Variants in CDK5RAP2 observed in about 807,000 individuals in gnomAD.
CDK5RAP2 encodes the protein CDK5 regulatory subunit associated protein 2.
CDK5RAP2 carries 147 observed loss-of-function variants against 232.9 expected under a neutral mutation model. That is an observed-to-expected ratio of 0.63 (90% CI 0.55 to 0.72). The LOEUF (loss-of-function observed/expected upper bound fraction) is 0.72, where lower values mean the gene tolerates loss of function less well. Among genes scored for constraint, CDK5RAP2 ranks in the 30% least tolerant of loss-of-function variants. CDK5RAP2 has a pLI of 0.00. For synonymous variants in CDK5RAP2, 833 were observed against 833.7 expected (o/e 1.00, Z 0.01); for missense variants, 2,195 against 2,231.5 (o/e 0.98, Z 0.33).
intron 20 of CDK5RAP2, among the ~76,000 whole-genome samples, chr9:120,454,929 A>G (rs1588383653): frequency 6.6e-6 from 1 of 152,202 alleles, no homozygotes; most frequent in Non-Finnish European, 1.5e-5. Flanking sequence ...CTGATGTCAA[A>G]TCCCAAATAA....
chr9:120,464,502 C>G (rs2037266519), intron 18 of CDK5RAP2, among the ~76,000 whole-genome samples: 1 of 152,102 alleles, frequency 6.6e-6, no homozygotes, highest in Admixed American at 6.5e-5. Context: ...GACCTAGAAA[C>G]AAGTCGTTTT....
intron 5 of CDK5RAP2, among the ~76,000 whole-genome samples, chr9:120,541,053 T>C (rs1176443842): frequency 6.6e-6 from 1 of 152,248 alleles, no homozygotes; most frequent in African/African-American, 2.4e-5. Context: ...TGAGGAGCAT[T>C]ATACACGGCC....
At chr9:120,543,139 C>T (rs1264241099) in intron 5 of CDK5RAP2, among the ~76,000 whole-genome samples, 1 of 152,176 alleles carries the variant, frequency 6.6e-6, no homozygotes, top group Non-Finnish European at 1.5e-5. Flanking sequence ...CCATGACATC[C>T]CCCTTCCCAT....
chr9:120,564,815 C>G (rs1412543287), intron 3 of CDK5RAP2, among the ~76,000 whole-genome samples: 2 of 152,202 alleles, frequency 1.3e-5, no homozygotes, highest in African/African-American at 2.4e-5. Flanking sequence ...GTCTTCCCTA[C>G]TCACCCAAAA....
At chr9:120,446,814 T>C (rs976571271) in intron 22 of CDK5RAP2, among the ~76,000 whole-genome samples, 1 of 152,122 alleles carries the variant, frequency 6.6e-6, no homozygotes, top group Non-Finnish European at 1.5e-5. Flanking sequence ...TCATTTCCCC[T>C]GTCTCCCTTC....
At chr9:120,533,601 C>G (rs2041252082) in intron 7 of CDK5RAP2, among the ~76,000 whole-genome samples, 1 of 151,854 alleles carries the variant, frequency 6.6e-6, no homozygotes. Context: ...CAAGACCAGC[C>G]TGGCCAACAT....
At chr9:120,563,965 GAAC>G (rs911627113) in intron 3 of CDK5RAP2, among the ~76,000 whole-genome samples, 1 of 152,172 alleles carries the variant, frequency 6.6e-6, no homozygotes, top group African/African-American at 2.4e-5. Context: ...CATAAGATAA[GAAC>G]AACAAAAGAT....
intron 25 of CDK5RAP2, among the ~76,000 whole-genome samples, chr9:120,434,702 C>T (rs1301544100): frequency 6.6e-6 from 1 of 152,152 alleles, no homozygotes; most frequent in African/African-American, 2.4e-5. Context: ...GAGAACTGAA[C>T]TCTCAGTGGC....
intron 6 of CDK5RAP2, among the ~76,000 whole-genome samples, chr9:120,538,651 C>T (rs2041497387): frequency 6.6e-6 from 1 of 152,062 alleles, no homozygotes; most frequent in Admixed American, 6.6e-5. Flanking sequence ...CTTCTCTGGC[C>T]GTCAGCTTCC....
At chr9:120,435,219 T>TTA (rs1224994196) in intron 25 of CDK5RAP2, among the ~76,000 whole-genome samples, 1 of 152,092 alleles carries the variant, frequency 6.6e-6, no homozygotes, top group Non-Finnish European at 1.5e-5. Context: ...AATAAACAAA[T>TTA]CTTAAACTCT....
At chr9:120,411,152 A>G (rs539608538) in intron 29 of CDK5RAP2, among the ~76,000 whole-genome samples, 8 of 152,222 alleles carry the variant, frequency 5.3e-5, no homozygotes, top group Non-Finnish European at 7.3e-5. Context: ...CAGCCCTATG[A>G]GATATTCCTG....
intron 1 of CDK5RAP2, among the ~76,000 whole-genome samples, chr9:120,578,376 G>A (rs1012367695): frequency 2.6e-5 from 4 of 152,162 alleles, no homozygotes; most frequent in African/African-American, 9.7e-5. Context: ...TGGGGCAGTG[G>A]ATGTAAAATA....
chr9:120,541,736 A>G (rs2041641915), intron 5 of CDK5RAP2, among the ~76,000 whole-genome samples: 1 of 152,212 alleles, frequency 6.6e-6, no homozygotes, highest in African/African-American at 2.4e-5. Flanking sequence ...AAATGGGAAT[A>G]CTGACTGCCC....
intron 5 of CDK5RAP2, among the ~76,000 whole-genome samples, chr9:120,542,873 T>C (rs760310210): frequency 6.6e-6 from 1 of 152,220 alleles, no homozygotes; most frequent in Non-Finnish European, 1.5e-5. Context: ...AAGAGACTGA[T>C]GCGGGCTAGA....
intron 28 of CDK5RAP2, among the ~76,000 whole-genome samples, chr9:120,413,829 G>GA (rs980553082): frequency 1.0e-5 from 1 of 96,222 alleles, no homozygotes; most frequent in African/African-American, 4.6e-5. Context: ...AGGGAGGAGG[G>GA]AGGAGGGAGG....
rs999289307 is a variant in CDK5RAP2, at chr9:120,447,995, C to T, written c.2925G>A (p.Leu975=). 1.2e-6 allele frequency: 2 copies of T among 1,614,056 alleles called. No individual in the cohort carries two copies. The highest frequency in any genetic ancestry group is 2.7e-5 in the African/African-American group (2 of 74,924). The change falls in exon 22 of 38, where the codon CTG becomes CTA. Residue 975 remains leucine, a synonymous_variant. Coordinates refer to ENST00000349780, the MANE Select transcript of CDK5RAP2 (RefSeq NM_018249.6). ...QSQILELQGE[L]KEFKTCNKQL... ...GCTTATTACAAGTTTTAAACTCCTT[C>T]AGCTCCCCCTGCAGCTCCAAGATCT...
At chr9:120,487,463 G>A in intron 13 of CDK5RAP2, 26 bp from the exon 14 acceptor site, 1 of 1,553,390 alleles carries the variant, frequency 6.4e-7, no homozygotes, top group Non-Finnish European at 8.7e-7. Context: ...AAATTCTAAG[G>A]AAATTGTCAT....
intron 4 of CDK5RAP2, among the ~76,000 whole-genome samples, chr9:120,549,348 G>A (rs1357223708): frequency 2.0e-5 from 3 of 152,158 alleles, no homozygotes; most frequent in African/African-American, 7.2e-5. Flanking sequence ...TAGAGGACCA[G>A]GACACAAGGG....
chr9:120,558,706 G>A (rs550195826), intron 3 of CDK5RAP2, among the ~76,000 whole-genome samples: 1 of 152,082 alleles, frequency 6.6e-6, no homozygotes, highest in East Asian at 1.9e-4. Flanking sequence ...AGGGTGGCTC[G>A]ATCTCATCCC....
Sources: gnomAD v4.1 joint callset for allele counts (sites outside exome capture counted in the v4.1 genomes callset) on GRCh38, gnomAD v4.1.1 for gene constraint, MANE v1.5 for transcripts, NCBI Gene and HGNC (gene_info 2026-07-23, HGNC 2026-07-21) for gene names.